PSME4: variants seen among roughly 807,000 people sequenced by gnomAD.
PSME4 encodes the protein proteasome activator subunit 4.
Under a neutral mutation model 253.9 loss-of-function variants are expected in PSME4, and 89 were observed. The ratio of observed to expected loss-of-function variants is 0.35; its 90% confidence interval spans 0.30 to 0.42. PSME4 has a LOEUF of 0.42. Ranked by LOEUF, PSME4 falls within the 10% of genes least tolerant of loss-of-function variation. PSME4 has a pLI of 1.00. For synonymous variants in PSME4, 851 were observed against 759.2 expected (o/e 1.12, Z -1.99); for missense variants, 2,014 against 2,195.2 (o/e 0.92, Z 1.65).
At chr2:53,904,322 A>G (rs1680548389) in intron 26 of PSME4, among the ~76,000 whole-genome samples, 166 bp from the exon 27 acceptor site, 1 of 152,242 alleles carries the variant, frequency 6.6e-6, no homozygotes, top group East Asian at 1.9e-4. Context: ...ATCTTTACTT[A>G]TATCAAAAGG....
chr2:53,928,430 A>G, intron 10 of PSME4, 127 bp from the exon 11 acceptor site: 1 of 714,822 alleles, frequency 1.4e-6, no homozygotes, highest in Middle Eastern at 4.2e-4. Flanking sequence ...AAATACTCAG[A>G]GTGAAAATCT....
chr2:53,879,800 T>TCAAAAAA (rs1679295568), intron 41 of PSME4, among the ~76,000 whole-genome samples: 1 of 49,888 alleles, frequency 2.0e-5, no homozygotes, highest in Non-Finnish European at 4.2e-5. Flanking sequence ...AGACCCTGTC[T>TCAAAAAA]CAAAAAAAAA....
intron 43 of PSME4, among the ~76,000 whole-genome samples, chr2:53,871,906 C>G (rs944215150): frequency 2.6e-5 from 4 of 151,912 alleles, no homozygotes; most frequent in Admixed American, 6.5e-5. Context: ...CCCAGCTACT[C>G]AGGAGGCTGA....
chr2:53,891,463 AT>A (rs1175817371), intron 36 of PSME4, among the ~76,000 whole-genome samples: 2 of 152,202 alleles, frequency 1.3e-5, no homozygotes, highest in African/African-American at 4.8e-5. Flanking sequence ...ATCATTACAC[AT>A]TGTGTGCATG....
At chr2:53,943,460 T>C (rs1669549527) in intron 3 of PSME4, among the ~76,000 whole-genome samples, 1 of 152,212 alleles carries the variant, frequency 6.6e-6, no homozygotes, top group South Asian at 2.1e-4. Flanking sequence ...CAAAATCTAA[T>C]ATTGATTGCT....
intron 41 of PSME4, among the ~76,000 whole-genome samples, chr2:53,881,772 T>C (rs543514293): frequency 2.0e-5 from 3 of 152,174 alleles, no homozygotes; most frequent in East Asian, 1.9e-4. Flanking sequence ...TTAGTAGAGA[T>C]GGGGTTTCAC....
intron 41 of PSME4, among the ~76,000 whole-genome samples, chr2:53,879,417 A>G (rs1388979547): frequency 2.0e-5 from 3 of 152,194 alleles, no homozygotes; most frequent in Non-Finnish European, 2.9e-5. Context: ...GCAAAATGAA[A>G]TAAGTGAAAC....
intron 26 of PSME4, among the ~76,000 whole-genome samples, chr2:53,904,814 C>A (rs982750466): frequency 2.0e-5 from 3 of 151,614 alleles, no homozygotes; most frequent in Non-Finnish European, 2.9e-5. Context: ...CATGGTGAAA[C>A]CCCGTCTCTA....
At chr2:53,926,165 C>T (rs1271425435) in intron 12 of PSME4, 142 bp from the exon 13 acceptor site, 7 of 603,652 alleles carry the variant, frequency 1.2e-5, no homozygotes, top group Non-Finnish European at 2.0e-5. Context: ...CCATGCTAGA[C>T]TTCATCTACT....
At chr2:53,958,533 C>T (rs1431336816) in intron 1 of PSME4, among the ~76,000 whole-genome samples, 3 of 152,042 alleles carry the variant, frequency 2.0e-5, no homozygotes, top group African/African-American at 7.2e-5. Context: ...AAAACACACA[C>T]GAGTCTTAAT....
rs1193364576 is a variant in PSME4 at position 53,940,969 on chromosome 2, AT to A, written c.501-970del. Among the ~76,000 whole-genome samples the A allele has an allele frequency of 4.3e-5, 3 of 69,302 alleles. No individual in the cohort carries two copies. In the Admixed American group the frequency reaches 4.7e-4, roughly 11 times the overall value. 45.5% of individuals were successfully genotyped at this position (69,302 alleles called of 152,430 possible). ...TATATATACATATATATATATATAT[AT>A]ATATATATATATATATATATATATA... On this transcript the variant is annotated intron_variant, in intron 3 of 46. Transcript: ENST00000404125.
chr2:53,955,706 G>A (rs1008610078), intron 1 of PSME4, among the ~76,000 whole-genome samples: 2 of 152,086 alleles, frequency 1.3e-5, no homozygotes, highest in African/African-American at 4.8e-5. Context: ...CAGACTGCTC[G>A]AGTCCAGGAG....
At position 53,892,902 on chromosome 2, in the gene PSME4, T is replaced by C. The variant is rs2104427748; in HGVS notation, c.4097A>G (p.His1366Arg). Residue 1366 changes from histidine (H) to arginine (R), a missense_variant, in exon 36 of 47, where the codon CAT becomes CGT. By Grantham distance (29) the His-to-Arg change is conservative. Around this residue, in one of 4 missense-constraint regions of PSME4, gnomAD observed 989 missense variants for 1,021.1 expected, o/e 0.97. Transcript: ENST00000404125. ...GCTTTCATGTGAATCTGCAACCAAA[T>C]GTTCTAAATGGGGCTTCAGAACTGG... ...FLPVLKPHLE[H>R]LVADSHESTQ... 6.2e-7 allele frequency: 1 copy of C among 1,613,900 alleles called. No homozygotes were observed. Among genetic ancestry groups the C allele is most frequent in the South Asian group, 1.1e-5 (1 of 91,070 alleles).
intron 4 of PSME4, among the ~76,000 whole-genome samples, chr2:53,938,699 G>C (rs1269314043): frequency 6.6e-6 from 1 of 151,998 alleles, no homozygotes; most frequent in Non-Finnish European, 1.5e-5. Flanking sequence ...TTATAGGCTT[G>C]GCCCACACAG....
At position 53,932,046 on chromosome 2, in the gene PSME4, G is replaced by A. The variant is rs1325809128; in HGVS notation, c.1105C>T (p.His369Tyr). ...RLPNSVVRRLHRERYKKPSWL... is the reference protein window; with the variant it reads ...RLPNSVVRRLYRERYKKPSWL... ...GAGGGCTTCTTGTATCTTTCACGAT[G>A]CAATCTTCTAACAACACTGTTTGGC... Residue 369 changes from histidine (H) to tyrosine (Y), a missense_variant, in exon 10 of 47, where the codon CAT becomes TAT. Physicochemically the swap from His to Tyr is moderately conservative, Grantham distance 83 (BLOSUM62 2). Around this residue, in one of 4 missense-constraint regions of PSME4, gnomAD observed 615 missense variants for 594.4 expected, o/e 1.03. Transcript: ENST00000404125. 1 of 1,613,758 alleles carries A rather than the reference G, an allele frequency of 6.2e-7. No homozygotes were observed. Among genetic ancestry groups the A allele is most frequent in the East Asian group, 2.2e-5 (1 of 44,880 alleles).
rs202154215 is a variant in PSME4, at chr2:53,943,829, C to CA, written c.501-3830dup. On this transcript the variant is annotated intron_variant, in intron 3 of 46. Coordinates refer to ENST00000404125, the MANE Select transcript of PSME4 (RefSeq NM_014614.3). Reference sequence around the variant, plus strand: ...TGCACTCCAGCCTGGGCAACAACAGCAAAAAAAACTCCATCTCAAAAAAAA... The same window carrying CA: ...TGCACTCCAGCCTGGGCAACAACAGCAAAAAAAAACTCCATCTCAAAAAAAA... Among the ~76,000 whole-genome samples, 252 of 28,424 alleles carry CA rather than the reference C, an allele frequency of 8.9e-3. 2 individuals carry two copies. Among genetic ancestry groups the CA allele is most frequent in the Admixed American group, 0.071 (180 of 2,520 alleles). The allele number at this position is 28,424 out of a possible 152,430, so 18.6% of individuals were successfully genotyped here.
At chr2:53,881,528 C>T (rs1346796980) in intron 41 of PSME4, 1 of 152,094 alleles carries the variant, frequency 6.6e-6, no homozygotes, top group East Asian at 1.9e-4. Flanking sequence ...TGATATTAAA[C>T]TCACACTCTT....
At chr2:53,890,492 A>G (rs1186762952) in intron 36 of PSME4, among the ~76,000 whole-genome samples, 1 of 152,120 alleles carries the variant, frequency 6.6e-6, no homozygotes, top group Non-Finnish European at 1.5e-5. Flanking sequence ...TGTTTTGTAA[A>G]AACAGGATCT....
intron 43 of PSME4, among the ~76,000 whole-genome samples, chr2:53,872,030 C>T (rs748909031): frequency 1.7e-4 from 26 of 151,738 alleles, no homozygotes; most frequent in Non-Finnish European, 2.4e-4. Flanking sequence ...AAAGGGGGGG[C>T]GGGGATGGTA....
Sources: allele counts gnomAD v4.1 joint callset (sites outside exome capture counted in the v4.1 genomes callset), GRCh38; gene constraint gnomAD v4.1.1; regional missense constraint gnomAD v4.1.1; transcripts MANE v1.5; gene names NCBI Gene and HGNC (gene_info 2026-07-23, HGNC 2026-07-21).